The following ADGRL4 variants were observed in gnomAD, a reference collection of about 807,000 sequenced individuals.
The protein encoded by ADGRL4 is adhesion G protein-coupled receptor L4, also known as EGF, latrophilin and seven transmembrane domain containing 1.
Under a neutral mutation model 74.8 loss-of-function variants are expected in ADGRL4, and 90 were observed. That is an observed-to-expected ratio of 1.20 (90% confidence interval 1.02 to 1.43). ADGRL4 has a LOEUF of 1.43. Ranked by LOEUF, ADGRL4 falls within the 40% of genes most tolerant of loss-of-function variation. The pLI is 0.00. For missense variants in ADGRL4, 881 were observed against 814.3 expected, an observed-to-expected ratio of 1.08 and a Z score of -1.00; for synonymous variants, 311 against 279.2, an observed-to-expected ratio of 1.11 and a Z score of -1.14.
At chr1:78,916,423 C>T (rs1489399) in intron 12 of ADGRL4, among the ~76,000 whole-genome samples, 150,123 of 151,942 alleles carry the variant, frequency 0.99, 74,196 homozygotes, top group Middle Eastern at 1. Flanking sequence ...TAAAAATATG[C>T]GAGTGGGACA....
Position 78,921,661 on chromosome 1 carries a change from A to G in ADGRL4, c.1209T>C (p.Cys403=). The change falls in exon 9 of 15, where the codon TGT becomes TGC. Residue 403 remains cysteine, a synonymous_variant. Transcript: ENST00000370742. ...YSNETHTSCR[C]NHLTHFAILM... ...AAATTGCAAAATGTGTCAGGTGATTACAGCGGCATGAGGTGTGGGTCTCAT... is the reference window on the plus strand; with the variant it reads ...AAATTGCAAAATGTGTCAGGTGATTGCAGCGGCATGAGGTGTGGGTCTCAT... 1 of 1,593,274 alleles carries G rather than the reference A, an allele frequency of 6.3e-7. No homozygotes were observed. Among genetic ancestry groups the G allele is most frequent in the South Asian group, 1.1e-5 (1 of 88,294 alleles).
chr1:79,005,898 T>G (rs1197797880), intron 1 of ADGRL4, among the ~76,000 whole-genome samples: 1 of 152,110 alleles, frequency 6.6e-6, no homozygotes, highest in East Asian at 1.9e-4. Context: ...AAGATTGATC[T>G]TCCAGAAATG....
intron 12 of ADGRL4, among the ~76,000 whole-genome samples, chr1:78,916,191 T>C (rs1395028243): frequency 2.0e-5 from 3 of 151,916 alleles, no homozygotes; most frequent in African/African-American, 7.2e-5. Context: ...AAAAACTATT[T>C]CAAAGAATAC....
intron 12 of ADGRL4, among the ~76,000 whole-genome samples, chr1:78,896,453 A>G (rs1648401821): frequency 6.6e-6 from 1 of 152,046 alleles, no homozygotes; most frequent in Non-Finnish European, 1.5e-5. Flanking sequence ...TCCTGCAAAT[A>G]ACCTATTTTT....
intron 1 of ADGRL4, among the ~76,000 whole-genome samples, 185 bp downstream of exon 1, chr1:79,006,447 TG>T (rs1352519189): frequency 2.6e-5 from 4 of 152,222 alleles, no homozygotes; most frequent in African/African-American, 9.6e-5. Context: ...CCCTGGACCT[TG>T]GAATATTCAA....
intron 2 of ADGRL4, among the ~76,000 whole-genome samples, chr1:79,004,202 C>A (rs76786145): frequency 6.6e-6 from 1 of 151,962 alleles, no homozygotes; most frequent in Non-Finnish European, 1.5e-5. Flanking sequence ...CATAACACCC[C>A]ACAGCTATAA....
chr1:78,985,275 G>T (rs139822218), intron 2 of ADGRL4, among the ~76,000 whole-genome samples: 89 of 151,662 alleles, frequency 5.9e-4, no homozygotes, highest in African/African-American at 2.0e-3. Context: ...AGGTGTCCAT[G>T]CATAGAAAGA....
chr1:78,946,572 T>C (rs757880566), intron 2 of ADGRL4, 146 bp from the exon 3 acceptor site: 1 of 611,604 alleles, frequency 1.6e-6, no homozygotes, highest in Admixed American at 3.6e-5. Context: ...AAAGAATCCA[T>C]ATTCCACACT....
At chr1:78,946,534 G>A in intron 2 of ADGRL4, 108 bp from the exon 3 acceptor site, 7 of 880,312 alleles carry the variant, frequency 8.0e-6, no homozygotes, top group Non-Finnish European at 1.2e-5. Flanking sequence ...TAAGGTATGT[G>A]ATGTTTATAT....
chr1:78,911,108 A>G (rs1648753255), intron 12 of ADGRL4, among the ~76,000 whole-genome samples: 1 of 151,842 alleles, frequency 6.6e-6, no homozygotes, highest in Non-Finnish European at 1.5e-5. Flanking sequence ...TCATATTCCC[A>G]AACCAGGCAA....
chr1:78,924,252 A>G (rs917687733), intron 8 of ADGRL4, among the ~76,000 whole-genome samples: 1 of 152,026 alleles, frequency 6.6e-6, no homozygotes, highest in Non-Finnish European at 1.5e-5. Flanking sequence ...ATATAAGGGT[A>G]AGGTAGAAAA....
At chr1:78,926,815 G>A in intron 8 of ADGRL4, 71 bp downstream of exon 8, 1 of 1,093,030 alleles carries the variant, frequency 9.1e-7, no homozygotes, top group Non-Finnish European at 1.3e-6. Flanking sequence ...TAATTTAAGT[G>A]ACACAACAAA....
chr1:78,986,697 C>T (rs1000397325), intron 2 of ADGRL4, among the ~76,000 whole-genome samples: 5 of 151,694 alleles, frequency 3.3e-5, no homozygotes, highest in African/African-American at 1.2e-4. Flanking sequence ...AATTTTTCAA[C>T]TTATAAAATA....
intron 2 of ADGRL4, among the ~76,000 whole-genome samples, chr1:78,987,787 C>A (rs974233931): frequency 6.6e-6 from 1 of 151,676 alleles, no homozygotes; most frequent in African/African-American, 2.4e-5. Flanking sequence ...CCAAGACAGG[C>A]CACATTTATT....
chr1:78,949,234 T>C (rs1649673790), intron 2 of ADGRL4, among the ~76,000 whole-genome samples: 1 of 152,132 alleles, frequency 6.6e-6, no homozygotes, highest in South Asian at 2.1e-4. Context: ...ACTGATTGTT[T>C]GTAAAAATAG....
chr1:78,964,774 A>G (rs1442542488), intron 2 of ADGRL4, among the ~76,000 whole-genome samples: 1 of 152,168 alleles, frequency 6.6e-6, no homozygotes, highest in Admixed American at 6.6e-5. Context: ...GATACTGTTA[A>G]ACTCATCAAA....
At chr1:78,952,563 A>C (rs1482580007) in intron 2 of ADGRL4, among the ~76,000 whole-genome samples, 1 of 152,104 alleles carries the variant, frequency 6.6e-6, no homozygotes, top group Non-Finnish European at 1.5e-5. Flanking sequence ...AGGAAAGAAA[A>C]AAAAAGAACT....
intron 8 of ADGRL4, among the ~76,000 whole-genome samples, 174 bp from the exon 9 acceptor site, chr1:78,921,960 T>A (rs903472386): frequency 2.6e-5 from 4 of 152,018 alleles, no homozygotes; most frequent in Non-Finnish European, 5.9e-5. Flanking sequence ...ATTGCAACAA[T>A]GCTGTATTTT....
At chr1:78,964,696 G>T (rs1650019659) in intron 2 of ADGRL4, among the ~76,000 whole-genome samples, 1 of 152,000 alleles carries the variant, frequency 6.6e-6, no homozygotes, top group South Asian at 2.1e-4. Flanking sequence ...TACCAAGGTG[G>T]GCATCTACAT....
Sources: gnomAD v4.1 joint callset for allele counts (sites outside exome capture counted in the v4.1 genomes callset) on GRCh38, gnomAD v4.1.1 for gene constraint, MANE v1.5 for transcripts, NCBI Gene and HGNC (gene_info 2026-07-23, HGNC 2026-07-21) for gene names.